The following KYNU variants were observed in gnomAD, a reference collection of about 807,000 sequenced individuals.
KYNU encodes the protein L-kynurenine hydrolase.
KYNU carries 54 observed loss-of-function variants against 59.2 expected under a neutral mutation model. The ratio of observed to expected loss-of-function variants is 0.91; its 90% CI spans 0.73 to 1.14. The LOEUF (loss-of-function observed/expected upper bound fraction) is 1.14, where lower values mean the gene tolerates loss of function less well. KYNU is among the 50% of genes most tolerant of loss of function. KYNU has a pLI of 0.00. For synonymous variants in KYNU, 177 were observed against 192.0 expected, an observed-to-expected ratio of 0.92 and a Z score of 0.65; for missense variants, 567 against 554.4, an observed-to-expected ratio of 1.02 and a Z score of -0.23.
At chr2:142,947,652 T>G (rs1159254322) in intron 4 of KYNU, 2 of 159,698 alleles carry the variant, frequency 1.3e-5, no homozygotes, top group East Asian at 3.4e-4. Context: ...AATGAGGGAT[T>G]ATTCCAAAGA....
intron 12 of KYNU, among the ~76,000 whole-genome samples, chr2:143,035,148 C>T (rs1362828872): frequency 6.6e-6 from 1 of 152,208 alleles, no homozygotes; most frequent in East Asian, 1.9e-4. Context: ...TAAACCTCAG[C>T]CTCCTGAGTA....
chr2:142,957,560 T>C, intron 6 of KYNU, 81 bp from the exon 7 acceptor site: 1 of 878,720 alleles, frequency 1.1e-6, no homozygotes, highest in South Asian at 1.4e-5. Context: ...TATGCCCTTA[T>C]TTTTACTTTA....
intron 2 of KYNU, among the ~76,000 whole-genome samples, chr2:142,891,919 CT>C (rs5834923): frequency 0.37 from 53,997 of 147,730 alleles, 9,848 homozygotes; most frequent in South Asian, 0.55. Flanking sequence ...GACATTGAGA[CT>C]TTTTTTTTTT....
intron 2 of KYNU, among the ~76,000 whole-genome samples, chr2:142,891,256 G>T (rs1681702100): frequency 6.6e-6 from 1 of 152,070 alleles, no homozygotes; most frequent in Non-Finnish European, 1.5e-5. Flanking sequence ...TCCAATTTTA[G>T]AACATTTCTT....
intron 1 of KYNU, among the ~76,000 whole-genome samples, chr2:142,883,320 G>A (rs550628914): frequency 1.8e-4 from 26 of 148,006 alleles, no homozygotes; most frequent in African/African-American, 3.2e-4. Context: ...TCAGCTTCCC[G>A]AGTAGCTGGG....
chr2:142,918,507 C>T, intron 2 of KYNU, 102 bp from the exon 3 acceptor site: 1 of 1,240,072 alleles, frequency 8.1e-7, no homozygotes, highest in East Asian at 2.7e-5. Context: ...ACTTTTTATC[C>T]TTCTTAGAGT....
At chr2:143,030,285 G>A (rs144520242) in intron 11 of KYNU, among the ~76,000 whole-genome samples, 64 of 152,018 alleles carry the variant, frequency 4.2e-4, no homozygotes, top group African/African-American at 1.5e-3. Context: ...CAATTCCTGT[G>A]AGCAGTTAAC....
chr2:142,936,480 A>G (rs1002791601), intron 4 of KYNU, among the ~76,000 whole-genome samples: 2 of 152,164 alleles, frequency 1.3e-5, no homozygotes, highest in Admixed American at 6.5e-5. Flanking sequence ...AACGGAGGGT[A>G]GGCATGGGAG....
At chr2:142,919,608 T>C (rs1682800775) in intron 3 of KYNU, among the ~76,000 whole-genome samples, 1 of 152,204 alleles carries the variant, frequency 6.6e-6, no homozygotes, top group African/African-American at 2.4e-5. Flanking sequence ...TTCATGCTAC[T>C]GGTTTTCAAA....
intron 1 of KYNU, among the ~76,000 whole-genome samples, chr2:142,882,194 G>A (rs1351541876): frequency 6.6e-6 from 1 of 151,908 alleles, no homozygotes; most frequent in African/African-American, 2.4e-5. Context: ...CTATCCACCA[G>A]TCCTATCTAC....
At chr2:142,880,971 G>A (rs963311374) in intron 1 of KYNU, among the ~76,000 whole-genome samples, 6 of 152,096 alleles carry the variant, frequency 3.9e-5, no homozygotes, top group Admixed American at 2.0e-4. Context: ...TATTATTATC[G>A]TAAGTAAAGT....
chr2:142,953,692 A>G (rs1684070148), intron 4 of KYNU, among the ~76,000 whole-genome samples: 1 of 152,168 alleles, frequency 6.6e-6, no homozygotes, highest in Non-Finnish European at 1.5e-5. Flanking sequence ...GTGATCAGAG[A>G]TACGTCTTTT....
At chr2:143,017,720 G>A (rs560203990) in intron 10 of KYNU, among the ~76,000 whole-genome samples, 1 of 152,114 alleles carries the variant, frequency 6.6e-6, no homozygotes, top group Admixed American at 6.5e-5. Flanking sequence ...TTACAGGTGT[G>A]AGCCATAATG....
At chr2:142,944,813 T>C (rs1683719844) in intron 4 of KYNU, among the ~76,000 whole-genome samples, 1 of 152,202 alleles carries the variant, frequency 6.6e-6, no homozygotes, top group Non-Finnish European at 1.5e-5. Context: ...CTCAAAGATA[T>C]TGTGGCTTGG....
intron 10 of KYNU, among the ~76,000 whole-genome samples, chr2:142,987,863 G>T (rs1326917575): frequency 6.6e-6 from 1 of 151,844 alleles, no homozygotes; most frequent in African/African-American, 2.4e-5. Context: ...TCATGATGGT[G>T]AGTTCTTAAT....
At chr2:142,924,242 C>T (rs1264657273) in intron 3 of KYNU, among the ~76,000 whole-genome samples, 1 of 152,036 alleles carries the variant, frequency 6.6e-6, no homozygotes, top group Non-Finnish European at 1.5e-5. Flanking sequence ...GTAGCTACGA[C>T]TATAGGTACA....
At chr2:142,974,883 CTT>C (rs1242656557) in intron 8 of KYNU, among the ~76,000 whole-genome samples, 1 of 152,140 alleles carries the variant, frequency 6.6e-6, no homozygotes, top group Non-Finnish European at 1.5e-5. Flanking sequence ...TTCTGTGACT[CTT>C]TTCCCACAGG....
Position 143,046,623 on chromosome 2 carries a change from T to C in KYNU, c.*4451T>C, listed in dbSNP as rs1264197884. ...TATGGATGTCTTTCTGGGCTATCTG[T>C]ACTTTCACACTGGCTAATTTGCTTG... On this transcript the variant is annotated 3_prime_UTR_variant, in exon 14 of 14. Transcript: ENST00000264170. 1.3e-5 allele frequency: 2 copies of C among 151,998 alleles called. No homozygotes were observed. Among genetic ancestry groups the C allele is most frequent in the Non-Finnish European group, 2.9e-5 (2 of 68,008 alleles). The allele number at this position is 151,998 out of a possible 1,614,324, so 9.4% of individuals were successfully genotyped here. A position where few individuals can be genotyped will look rare whatever the true frequency, so the allele number is the denominator to read the frequency against.
chr2:142,929,020 A>C (rs1198428415), intron 4 of KYNU, among the ~76,000 whole-genome samples: 1 of 147,070 alleles, frequency 6.8e-6, no homozygotes, highest in Admixed American at 6.7e-5. Flanking sequence ...AAAAAAAAAA[A>C]AAAAACAAAA....
Sources: allele counts gnomAD v4.1 joint callset (sites outside exome capture counted in the v4.1 genomes callset), GRCh38; gene constraint gnomAD v4.1.1; transcripts MANE v1.5; gene names NCBI Gene and HGNC (gene_info 2026-07-23, HGNC 2026-07-21).